The following LNPEP variants were observed in gnomAD, a reference collection of about 807,000 sequenced individuals.
LNPEP encodes the protein leucyl and cystinyl aminopeptidase.
Under a neutral mutation model 120.6 loss-of-function variants are expected in LNPEP, and 64 were observed. That is an observed-to-expected ratio of 0.53 (90% confidence interval 0.43 to 0.65). LNPEP has a LOEUF of 0.65. LNPEP is among the 30% of genes least tolerant of loss of function. The pLI, the probability that LNPEP is intolerant of heterozygous loss-of-function variation, is 0.00. For missense variants in LNPEP, 1,057 were observed against 1,200.0 expected, an observed-to-expected ratio of 0.88 and a Z score of 1.76; for synonymous variants, 435 against 425.4, an observed-to-expected ratio of 1.02 and a Z score of -0.28.
chr5:97,000,556 G>A (rs74788107), intron 8 of LNPEP, among the ~76,000 whole-genome samples: 1,884 of 152,192 alleles, frequency 0.012, 43 homozygotes, highest in East Asian at 0.071. Context: ...AGGTACCTTC[G>A]TGACTAGCCC....
chr5:96,979,945 G>C lies in LNPEP; in HGVS notation c.827G>C (p.Gly276Ala). 1 of 1,609,206 alleles carries C rather than the reference G, an allele frequency of 6.2e-7. No individual in the cohort carries two copies. Among genetic ancestry groups the C allele is most frequent in the African/African-American group, 1.3e-5 (1 of 74,830 alleles). The change falls in exon 2 of 18, where the codon GGC becomes GCC. Residue 276 changes from glycine to alanine, a missense_variant. Gly to Ala is a moderately conservative substitution (Grantham distance 60). Coordinates refer to ENST00000231368, the MANE Select transcript of LNPEP (RefSeq NM_005575.3). ...NISSSYYGFY[G>A]FSYTDESNEK... Reference sequence around the variant, plus strand: ...TCTAGTTCTTATTATGGGTTTTATGGCTTCTCCTACACAGATGAAAGTAAT... The same window carrying C: ...TCTAGTTCTTATTATGGGTTTTATGCCTTCTCCTACACAGATGAAAGTAAT...
chr5:96,966,555 G>A (rs1051348030), intron 1 of LNPEP, among the ~76,000 whole-genome samples: 5 of 137,212 alleles, frequency 3.6e-5, no homozygotes, highest in African/African-American at 5.5e-5. Flanking sequence ...TGTGTGTGTA[G>A]TGAAGAGAAA....
intron 1 of LNPEP, among the ~76,000 whole-genome samples, chr5:96,957,364 T>G (rs1196705701): frequency 6.6e-6 from 1 of 152,232 alleles, no homozygotes; most frequent in African/African-American, 2.4e-5. Context: ...GTAGGCAGAA[T>G]AATGGTCTCC....
rs1413185971 is a variant in LNPEP, at chr5:97,022,612, A to C, written c.2561+128A>C. The C allele has an allele frequency of 1.9e-5, 14 of 719,664 alleles. No homozygotes were observed. The East Asian group carries it at 3.8e-4, about 20-fold the overall frequency. 44.6% of individuals were successfully genotyped at this position (719,664 alleles called of 1,614,324 possible). On this transcript the variant is annotated intron_variant, in intron 14 of 17. Coordinates refer to ENST00000231368, the MANE Select transcript of LNPEP (RefSeq NM_005575.3). ...CTGAGTGTCAGTGTAGGTGAACTCT[A>C]TGTATCTGCATTCTCAAACAAGACT...
chr5:96,951,793 A>G (rs1008667542), intron 1 of LNPEP, among the ~76,000 whole-genome samples: 1 of 120,842 alleles, frequency 8.3e-6, no homozygotes, highest in Non-Finnish European at 1.9e-5. Context: ...ATTCAGGATG[A>G]TCCAAAAAAC....
chr5:96,996,214 C>A, intron 6 of LNPEP, 176 bp from the exon 7 acceptor site: 1 of 436,790 alleles, frequency 2.3e-6, no homozygotes, highest in Non-Finnish European at 4.0e-6. Flanking sequence ...TAAATTTATA[C>A]AACTTTTGTA....
intron 13 of LNPEP, among the ~76,000 whole-genome samples, chr5:97,021,343 T>C (rs1180050285): frequency 6.6e-6 from 1 of 152,228 alleles, no homozygotes; most frequent in African/African-American, 2.4e-5. Context: ...TGTTGTACTA[T>C]CTTTTTTTGT....
At chr5:97,000,829 A>G (rs1270392042) in intron 8 of LNPEP, among the ~76,000 whole-genome samples, 1 of 152,178 alleles carries the variant, frequency 6.6e-6, no homozygotes, top group African/African-American at 2.4e-5. Flanking sequence ...CTTCTAGTGC[A>G]TCATCAAACC....
chr5:96,953,639 T>TA (rs1789375737), intron 1 of LNPEP, among the ~76,000 whole-genome samples: 1 of 152,250 alleles, frequency 6.6e-6, no homozygotes, highest in Admixed American at 6.5e-5. Context: ...TTGCCATATA[T>TA]AAAAATGTGT....
chr5:96,996,841 T>A (rs1406192187), intron 7 of LNPEP, among the ~76,000 whole-genome samples: 1 of 152,044 alleles, frequency 6.6e-6, no homozygotes, highest in African/African-American at 2.4e-5. Context: ...CTAATTAAAA[T>A]TTTTTTATCC....
At chr5:97,012,005 G>A (rs1790941392) in intron 11 of LNPEP, among the ~76,000 whole-genome samples, 1 of 152,048 alleles carries the variant, frequency 6.6e-6, no homozygotes, top group Admixed American at 6.5e-5. Context: ...CCTAAGCTAA[G>A]GCTTCAGGTA....
chr5:97,003,641 T>TACAAAGCA, intron 9 of LNPEP, 95 bp downstream of exon 9: 1 of 789,490 alleles, frequency 1.3e-6, no homozygotes, highest in Non-Finnish European at 1.9e-6. Flanking sequence ...TAATCTGTGG[T>TACAAAGCA]ACAAAGCATA....
intron 16 of LNPEP, among the ~76,000 whole-genome samples, chr5:97,027,505 T>A (rs1330594149): frequency 6.6e-6 from 1 of 152,220 alleles, no homozygotes; most frequent in Non-Finnish European, 1.5e-5. Flanking sequence ...TCTTCGACAA[T>A]GTTAAGCGGA....
intron 4 of LNPEP, among the ~76,000 whole-genome samples, chr5:96,989,039 G>A (rs1400491038): frequency 6.6e-6 from 1 of 151,826 alleles, no homozygotes; most frequent in East Asian, 1.9e-4. Context: ...GTGTATGTGT[G>A]TGGAAAGAGG....
At chr5:96,968,074 G>A (rs147044895) in intron 1 of LNPEP, among the ~76,000 whole-genome samples, 27 of 152,218 alleles carry the variant, frequency 1.8e-4, no homozygotes, top group African/African-American at 6.5e-4. Flanking sequence ...TAAATGTAGA[G>A]CAGGTTTTGG....
intron 1 of LNPEP, among the ~76,000 whole-genome samples, chr5:96,941,174 G>A (rs979381334): frequency 1.6e-4 from 24 of 152,142 alleles, no homozygotes; most frequent in African/African-American, 5.6e-4. Flanking sequence ...CCTCACATGC[G>A]CAGTTCACAA....
chr5:96,954,625 TATATATAC>T (rs57979341), intron 1 of LNPEP, among the ~76,000 whole-genome samples: 1,926 of 121,338 alleles, frequency 0.016, 409 homozygotes, highest in Non-Finnish European at 0.024. Context: ...TCTCTATATA[TATATATAC>T]ATATATACAT....
Position 97,024,611 on chromosome 5 carries a change from A to T in LNPEP, c.2652A>T (p.Ile884=), listed in dbSNP as rs1206152447. 1.2e-6 allele frequency: 2 copies of T among 1,614,068 alleles called. No homozygotes were observed. The highest frequency in any genetic ancestry group is 2.2e-5 in the South Asian group (2 of 91,084). ...TCCTTTTGGGCAAATACATTTCTAT[A>T]GGCTCTGAAGCAGAGAAGAACAAAA... ...WSFLLGKYIS[I]GSEAEKNKIL... is the part of the protein sequence containing the mutation. Residue 884 remains isoleucine (I), a synonymous_variant, in exon 15 of 18, where the codon ATA becomes ATT. Transcript: ENST00000231368.
intron 1 of LNPEP, among the ~76,000 whole-genome samples, chr5:96,962,161 C>G (rs1218299069): frequency 6.6e-6 from 1 of 152,216 alleles, no homozygotes; most frequent in Admixed American, 6.5e-5. Flanking sequence ...TGTGACCCCC[C>G]AGCCTTCTCC....
Sources: allele counts gnomAD v4.1 joint callset (sites outside exome capture counted in the v4.1 genomes callset), GRCh38; gene constraint gnomAD v4.1.1; transcripts MANE v1.5; gene names NCBI Gene and HGNC (gene_info 2026-07-23, HGNC 2026-07-21).